Variants in SCN1A observed in about 807,000 individuals in gnomAD.
The protein encoded by SCN1A is sodium channel protein type 1 subunit alpha.
SCN1A carries 13 observed loss-of-function variants against 193.7 expected under a neutral mutation model. The observed-to-expected ratio is 0.07, with a 90% confidence interval of 0.04 to 0.11. SCN1A has a LOEUF of 0.11. Among genes scored for constraint, SCN1A ranks in the 10% least tolerant of loss-of-function variants. The pLI is 1.00. For synonymous variants in SCN1A, 781 were observed against 843.6 expected (o/e 0.93, Z 1.29); for missense variants, 1,432 against 2,451.1 (o/e 0.58, Z 8.78).
At chr2:166,050,639 G>A (rs10694154) in intron 9 of SCN1A, among the ~76,000 whole-genome samples, 11,613 of 35,570 alleles carry the variant, frequency 0.33, 987 homozygotes, top group Non-Finnish European at 0.35. Flanking sequence ...ATATATATAT[G>A]TGTGTATATA....
At chr2:166,035,222 T>G (rs1037142184) in intron 19 of SCN1A, among the ~76,000 whole-genome samples, 2 of 152,198 alleles carry the variant, frequency 1.3e-5, no homozygotes, top group Non-Finnish European at 2.9e-5. Context: ...CTCCCTAAGC[T>G]AATTTTCTTA....
intron 19 of SCN1A, among the ~76,000 whole-genome samples, chr2:166,021,328 T>C (rs563844947): frequency 9.8e-5 from 15 of 152,296 alleles, no homozygotes; most frequent in African/African-American, 3.6e-4. Context: ...TCTAGAAATT[T>C]ATATATAATG....
intron 2 of SCN1A, among the ~76,000 whole-genome samples, chr2:166,099,927 GCCATACTGCCCAAGGTAATTTA>G (rs1687850816): frequency 8.6e-6 from 1 of 116,628 alleles, no homozygotes. Flanking sequence ...CGTGAAAATG[GCCATACTGCCCAAGGTAATTTA>G]CAGATTCAAT....
At chr2:165,997,933 T>C in intron 26 of SCN1A, 105 bp downstream of exon 26, 1 of 850,428 alleles carries the variant, frequency 1.2e-6, no homozygotes, top group Non-Finnish European at 2.0e-6. Context: ...AGTTATAATA[T>C]ATACTCCCAT....
upstream of SCN1A, among the ~76,000 whole-genome samples, chr2:166,132,112 T>C (rs1018613068): frequency 2.6e-5 from 4 of 152,094 alleles, no homozygotes; most frequent in African/African-American, 9.7e-5. Flanking sequence ...CCAAAGGAGA[T>C]GGTGGTGACA....
intron 2 of SCN1A, among the ~76,000 whole-genome samples, chr2:166,079,138 T>C (rs1574398510): frequency 6.6e-6 from 1 of 151,682 alleles, no homozygotes; most frequent in Non-Finnish European, 1.5e-5. Flanking sequence ...TCTTATCTTA[T>C]GTAGACCTTC....
At chr2:166,002,898 A>C (rs1431495393) in intron 23 of SCN1A, 145 bp from the exon 24 acceptor site, 1 of 640,874 alleles carries the variant, frequency 1.6e-6, no homozygotes, top group Non-Finnish European at 2.5e-6. Flanking sequence ...AGGTTCAAAA[A>C]AATCTTAAAA....
chr2:166,103,179 G>A (rs554129838), intron 2 of SCN1A, among the ~76,000 whole-genome samples: 38 of 152,122 alleles, frequency 2.5e-4, no homozygotes, highest in Non-Finnish European at 5.3e-4. Flanking sequence ...GGCTGGGCGC[G>A]GTGGCTCACG....
intron 2 of SCN1A, among the ~76,000 whole-genome samples, chr2:166,122,621 CGG>C (rs1452830646): frequency 6.6e-6 from 1 of 151,744 alleles, no homozygotes; most frequent in Non-Finnish European, 1.5e-5. Flanking sequence ...GACAATTCAC[CGG>C]GGAAAGAATT....
At chr2:166,019,857 A>G (rs185935581) in intron 19 of SCN1A, among the ~76,000 whole-genome samples, 87 of 151,216 alleles carry the variant, frequency 5.8e-4, no homozygotes, top group African/African-American at 2.1e-3. Flanking sequence ...TTCCAACCAA[A>G]TCTCCCAAAT....
upstream of SCN1A, among the ~76,000 whole-genome samples, chr2:166,132,604 A>C (rs924828400): frequency 6.6e-6 from 1 of 152,176 alleles, no homozygotes; most frequent in Admixed American, 6.6e-5. Context: ...TAAATGCAGA[A>C]ACTGCAATTA....
At chr2:166,068,470 C>T (rs1684072377) in intron 4 of SCN1A, among the ~76,000 whole-genome samples, 1 of 152,124 alleles carries the variant, frequency 6.6e-6, no homozygotes, top group African/African-American at 2.4e-5. Flanking sequence ...TTTAGTTTTA[C>T]AGGAGCTGAT....
intron 10 of SCN1A, 133 bp from the exon 11 acceptor site, chr2:166,047,901 A>G (rs1374907068): frequency 1.7e-5 from 20 of 1,198,566 alleles, no homozygotes; most frequent in Non-Finnish European, 2.3e-5. Flanking sequence ...TAACTAATCT[A>G]TTTCCCAACT....
intron 19 of SCN1A, chr2:166,027,363 T>G (rs1694934164): frequency 6.6e-6 from 1 of 152,210 alleles, no homozygotes; most frequent in Admixed American, 6.5e-5. Context: ...TTCTTCAATA[T>G]TCTCTGAGAG....
chr2:166,012,412 C>CTT, intron 21 of SCN1A, 130 bp from the exon 22 acceptor site: 17 of 553,498 alleles, frequency 3.1e-5, no homozygotes, highest in Non-Finnish European at 3.6e-5. Context: ...GTTACTGTTA[C>CTT]TTTTTTTTTT....
At chr2:166,065,437 A>T (rs11691355) in intron 4 of SCN1A, among the ~76,000 whole-genome samples, 62,770 of 151,640 alleles carry the variant, frequency 0.41, 13,537 homozygotes, top group East Asian at 0.72. Context: ...GGTATATAAT[A>T]TTTTTTCCCC....
At chr2:166,142,850 C>T (rs10201110) in intron 1 of SCN1A, among the ~76,000 whole-genome samples, 122,885 of 152,146 alleles carry the variant, frequency 0.81, 50,237 homozygotes, top group African/African-American at 0.94. Flanking sequence ...AGTGAATAAG[C>T]CTCATGAGAT....
At position 165,991,457 on chromosome 2, in the gene SCN1A, A is replaced by G; in HGVS notation, c.5818T>C (p.Phe1940Leu). The G allele has an allele frequency of 6.2e-7, 1 of 1,613,930 alleles. No individual in the cohort carries two copies. Among genetic ancestry groups the G allele is most frequent in the Non-Finnish European group, 8.5e-7 (1 of 1,179,902 alleles). ...TTGATTTTGTTTTTATTGTACGTAA[A>G]GGAAGCTTGTTTTACAGTTCGCTTT... Reference protein sequence around the residue: ...LLKRTVKQASFTYNKNKIKGG... With the variant: ...LLKRTVKQASLTYNKNKIKGG... The change falls in exon 29 of 29, where the codon TTT (phenylalanine) becomes CTT (leucine). Residue 1940 changes from phenylalanine (F) to leucine (L), a missense_variant. By Grantham distance (22) the Phe-to-Leu change is conservative. This residue lies in a region of SCN1A where 148 missense variants were observed against 160.3 expected (regional missense o/e 0.92). Coordinates refer to ENST00000674923, the MANE Select transcript of SCN1A (RefSeq NM_001165963.4).
chr2:166,145,133 G>C (rs1692260830), intron 1 of SCN1A, among the ~76,000 whole-genome samples: 1 of 139,144 alleles, frequency 7.2e-6, no homozygotes, highest in Non-Finnish European at 1.5e-5. Flanking sequence ...ACTGCACCTG[G>C]CCTAAGTAAT....
Sources: gnomAD v4.1 joint callset for allele counts (sites outside exome capture counted in the v4.1 genomes callset) on GRCh38, gnomAD v4.1.1 for gene constraint, gnomAD v4.1.1 regional missense constraint, MANE v1.5 for transcripts, NCBI Gene and HGNC (gene_info 2026-07-23, HGNC 2026-07-21) for gene names.